Variants in PTPRD observed in about 807,000 individuals in gnomAD.
PTPRD encodes the protein receptor-type tyrosine-protein phosphatase delta.
PTPRD carries 34 observed loss-of-function variants against 214.5 expected under a neutral mutation model. The ratio of observed to expected loss-of-function variants is 0.16; its 90% CI spans 0.12 to 0.21. PTPRD has a LOEUF of 0.21. Among genes scored for constraint, PTPRD ranks in the 10% least tolerant of loss-of-function variants. The pLI, the probability that PTPRD is intolerant of heterozygous loss-of-function variation, is 1.00. For missense variants in PTPRD, 2,545 were observed against 2,398.7 expected, an observed-to-expected ratio of 1.06 and a Z score of -1.27; for synonymous variants, 1,128 against 845.7, an observed-to-expected ratio of 1.33 and a Z score of -5.79.
chr9:9,814,122 T>C (rs1332559517), intron 5 of PTPRD, among the ~76,000 whole-genome samples: 1 of 152,086 alleles, frequency 6.6e-6, no homozygotes, highest in Non-Finnish European at 1.5e-5. Context: ...CTCTGAAGAA[T>C]TTAGGTGTAG....
chr9:8,529,484 A>G (rs1012073786), intron 14 of PTPRD, among the ~76,000 whole-genome samples: 1 of 152,166 alleles, frequency 6.6e-6, no homozygotes, highest in Non-Finnish European at 1.5e-5. Context: ...CAGGGATAAG[A>G]GAATGCTTTC....
intron 10 of PTPRD, among the ~76,000 whole-genome samples, chr9:9,113,303 T>C (rs1027577298): frequency 2.6e-5 from 4 of 152,084 alleles, no homozygotes; most frequent in African/African-American, 9.7e-5. Context: ...TGAAATTATC[T>C]ATTGCATCCA....
At chr9:9,975,135 A>G (rs914347806) in intron 4 of PTPRD, among the ~76,000 whole-genome samples, 2 of 152,120 alleles carry the variant, frequency 1.3e-5, no homozygotes, top group African/African-American at 4.8e-5. Flanking sequence ...CCATTTACAG[A>G]GGGCACATTA....
intron 2 of PTPRD, among the ~76,000 whole-genome samples, chr9:10,477,579 T>C (rs201156793): frequency 4.6e-5 from 7 of 152,184 alleles, no homozygotes; most frequent in African/African-American, 1.7e-4. Flanking sequence ...GTGGTGATTC[T>C]TCAAGGATCT....
Position 10,239,936 on chromosome 9 carries a change from C to T in PTPRD, c.-545+101027G>A, listed in dbSNP as rs184724177. Reference sequence around the variant, plus strand: ...AGCTGTAAAACCTAAAAATATTACTCTAACCTCTCTCCACCTCTTCCTGAG... The same window carrying T: ...AGCTGTAAAACCTAAAAATATTACTTTAACCTCTCTCCACCTCTTCCTGAG... On this transcript the variant is annotated intron_variant, in intron 3 of 45. Transcript: ENST00000381196. 5.8e-3 allele frequency among the ~76,000 whole-genome samples: 873 copies of T among 151,810 alleles called. 10 individuals are homozygous for T. The highest frequency in any genetic ancestry group is 6.4e-3 in the Non-Finnish European group (434 of 67,862).
chr9:10,592,809 G>C (rs968901402), intron 2 of PTPRD, among the ~76,000 whole-genome samples: 1 of 151,926 alleles, frequency 6.6e-6, no homozygotes, highest in Non-Finnish European at 1.5e-5. Flanking sequence ...GCCAATCGCA[G>C]GGAGGATTGA....
chr9:10,314,996 T>C (rs1432398441), intron 3 of PTPRD, among the ~76,000 whole-genome samples: 1 of 151,960 alleles, frequency 6.6e-6, no homozygotes, highest in South Asian at 2.1e-4. Context: ...GCCATTTAAG[T>C]GCATCTGGGA....
chr9:9,400,889 C>T (rs890369514), intron 8 of PTPRD, among the ~76,000 whole-genome samples: 3 of 152,048 alleles, frequency 2.0e-5, no homozygotes. Context: ...TACCCATCCA[C>T]TTCTCCATAT....
intron 12 of PTPRD, among the ~76,000 whole-genome samples, chr9:8,654,707 T>C (rs973789571): frequency 6.6e-6 from 1 of 152,184 alleles, no homozygotes; most frequent in Admixed American, 6.5e-5. Flanking sequence ...AAAGAAAAAT[T>C]ACCTAAGTGA....
At chr9:8,527,482 A>G (rs2074493759) in intron 15 of PTPRD, 129 bp from the exon 16 acceptor site, 1 of 813,444 alleles carries the variant, frequency 1.2e-6, no homozygotes, top group Non-Finnish European at 2.0e-6. Flanking sequence ...TGAATAATTA[A>G]TTCTTCATTT....
intron 7 of PTPRD, among the ~76,000 whole-genome samples, chr9:9,578,197 C>G (rs950312516): frequency 9.9e-5 from 15 of 151,938 alleles, no homozygotes; most frequent in Non-Finnish European, 1.9e-4. Context: ...ATTCTGGTAT[C>G]CTAAACTTAC....
chr9:8,680,930 AAAGCAGCAGC>A (rs1328263824), intron 12 of PTPRD, among the ~76,000 whole-genome samples: 2 of 152,232 alleles, frequency 1.3e-5, no homozygotes, highest in Non-Finnish European at 2.9e-5. Context: ...ATATGCTGTG[AAAGCAGCAGC>A]AACACAATGG....
chr9:8,636,973 G>T, intron 12 of PTPRD, 129 bp from the exon 13 acceptor site: 1 of 867,788 alleles, frequency 1.2e-6, no homozygotes, highest in Non-Finnish European at 1.7e-6. Context: ...AATGCACTAT[G>T]GGATTACAAA....
At chr9:9,110,430 GCACA>G (rs1290965648) in intron 10 of PTPRD, among the ~76,000 whole-genome samples, 2 of 152,102 alleles carry the variant, frequency 1.3e-5, no homozygotes, top group Admixed American at 1.3e-4. Flanking sequence ...TGACTCTGTT[GCACA>G]CAAAGTCTGA....
chr9:9,238,447 C>T (rs567789944), intron 9 of PTPRD, among the ~76,000 whole-genome samples: 2 of 152,132 alleles, frequency 1.3e-5, no homozygotes, highest in Non-Finnish European at 2.9e-5. Context: ...GGGTTTTAAC[C>T]CTTTGTCTCT....
At chr9:8,358,940 T>C (rs1056740675) in intron 39 of PTPRD, among the ~76,000 whole-genome samples, 65 of 150,544 alleles carry the variant, frequency 4.3e-4, no homozygotes, top group African/African-American at 1.5e-3. Flanking sequence ...ACCCCGTCTC[T>C]ACTAAAAATA....
intron 2 of PTPRD, among the ~76,000 whole-genome samples, chr9:10,476,057 C>T (rs2099060533): frequency 6.6e-6 from 1 of 152,082 alleles, no homozygotes; most frequent in African/African-American, 2.4e-5. Context: ...GAAGGATTCC[C>T]TTTGAAAACT....
At chr9:10,035,145 T>G (rs1467380253) in intron 3 of PTPRD, among the ~76,000 whole-genome samples, 1 of 152,178 alleles carries the variant, frequency 6.6e-6, no homozygotes, top group Non-Finnish European at 1.5e-5. Flanking sequence ...ATAGCCATTT[T>G]GACTAGTGTG....
chr9:10,495,591 A>G (rs1478656382), intron 2 of PTPRD, among the ~76,000 whole-genome samples: 2 of 151,856 alleles, frequency 1.3e-5, no homozygotes, highest in African/African-American at 2.4e-5. Context: ...TCATTGTCTC[A>G]TGTAAGTTTT....
Sources: gnomAD v4.1 joint callset for allele counts (sites outside exome capture counted in the v4.1 genomes callset) on GRCh38, gnomAD v4.1.1 for gene constraint, MANE v1.5 for transcripts, NCBI Gene and HGNC (gene_info 2026-07-23, HGNC 2026-07-21) for gene names.